The following BICRAL variants were observed in gnomAD, a reference collection of about 807,000 sequenced individuals.
The protein encoded by BICRAL is BRD4-interacting chromatin-remodeling complex-associated protein-like.
A neutral mutation model predicts 91.8 loss-of-function variants in BICRAL; 8 were observed. That is an observed-to-expected ratio of 0.09 (90% CI 0.05 to 0.16). BICRAL has a LOEUF of 0.16. Ranked by LOEUF, BICRAL falls within the 10% of genes least tolerant of loss-of-function variation. The pLI, the probability that BICRAL is intolerant of heterozygous loss-of-function variation, is 1.00. For missense variants in BICRAL, 1,038 were observed against 1,310.9 expected, an observed-to-expected ratio of 0.79 and a Z score of 3.21; for synonymous variants, 445 against 491.1, an observed-to-expected ratio of 0.91 and a Z score of 1.24.
chr6:42,813,514 A>G (rs1011339063), intron 2 of BICRAL, among the ~76,000 whole-genome samples: 2 of 152,168 alleles, frequency 1.3e-5, no homozygotes, highest in Non-Finnish European at 2.9e-5. Flanking sequence ...AACGAAGGCA[A>G]GATAAACACT....
Position 42,865,378 on chromosome 6 carries a change from C to T in BICRAL, c.3172C>T (p.His1058Tyr). 6.2e-7 allele frequency: 1 copy of T among 1,613,504 alleles called. No individual in the cohort carries two copies. Among genetic ancestry groups the T allele is most frequent in the Non-Finnish European group, 8.5e-7 (1 of 1,179,454 alleles). ...CTGCCTGGAAAAGTTCATCCCGGAC[C>T]ACAGTGAAGGTGTTGTAGAAACTGA... is the stretch of plus-strand genomic sequence containing the variant. Reference protein sequence around the residue: ...ENCLEKFIPDHSEGVVETDSI... With the variant: ...ENCLEKFIPDYSEGVVETDSI... Residue 1058 changes from histidine to tyrosine, a missense_variant, in exon 13 of 13, where the codon CAC becomes TAC. This residue lies in a region of BICRAL where 92 missense variants were observed against 147.8 expected (regional missense o/e 0.62). Transcript: ENST00000314073.
intron 1 of BICRAL, among the ~76,000 whole-genome samples, chr6:42,769,771 A>AT (rs1031661154): frequency 2.6e-5 from 4 of 152,040 alleles, no homozygotes; most frequent in South Asian, 2.1e-4. Flanking sequence ...TTTGTCTAGA[A>AT]TTTTTTTTGT....
chr6:42,814,186 G>A (rs1763913323), intron 2 of BICRAL, among the ~76,000 whole-genome samples: 1 of 145,200 alleles, frequency 6.9e-6, no homozygotes, highest in Admixed American at 7.1e-5. Context: ...TACAAGTAAA[G>A]CAAATGTCAG....
intron 1 of BICRAL, among the ~76,000 whole-genome samples, chr6:42,803,372 T>G (rs1763627648): frequency 6.6e-6 from 1 of 152,132 alleles, no homozygotes; most frequent in Non-Finnish European, 1.5e-5. Context: ...TCCTCACTTT[T>G]TTTACACTGG....
chr6:42,759,376 G>A (rs1385448747), intron 1 of BICRAL, among the ~76,000 whole-genome samples: 3 of 152,214 alleles, frequency 2.0e-5, no homozygotes, highest in East Asian at 3.8e-4. Flanking sequence ...TGCTCTGTGT[G>A]AAGTGGATTT....
intron 1 of BICRAL, among the ~76,000 whole-genome samples, chr6:42,765,000 A>G (rs1762612039): frequency 6.6e-6 from 1 of 152,210 alleles, no homozygotes; most frequent in Non-Finnish European, 1.5e-5. Flanking sequence ...TTTTGTGAAT[A>G]AATGATGCCT....
chr6:42,862,481 A>G (rs769003002), intron 11 of BICRAL, 29 bp from the exon 12 acceptor site: 9 of 1,396,486 alleles, frequency 6.4e-6, no homozygotes, highest in Non-Finnish European at 9.1e-6. Flanking sequence ...AAAATTGTCT[A>G]TGAAATGACT....
At chr6:42,769,655 A>G (rs1388250839) in intron 1 of BICRAL, among the ~76,000 whole-genome samples, 3 of 152,060 alleles carry the variant, frequency 2.0e-5, no homozygotes, top group African/African-American at 7.2e-5. Flanking sequence ...ACACAATACC[A>G]TGTGTGCTCG....
Position 42,829,626 on chromosome 6 carries a change from G to A in BICRAL, c.1293G>A (p.Gln431=), listed in dbSNP as rs1286623394. 1.9e-6 allele frequency: 3 copies of A among 1,614,040 alleles called. No individual in the cohort carries two copies. Among genetic ancestry groups the A allele is most frequent in the African/African-American group, 2.7e-5 (2 of 74,930 alleles). ...AACTTCTTCAAACTCAACCCTCTCA[G>A]CTCATTTCTGGCCAAGTGGCCTCAG... ...NGQLLQTQPS[Q]LISGQVASEH... Residue 431 remains glutamine, a synonymous_variant, in exon 6 of 13, where the codon CAG becomes CAA. Coordinates refer to ENST00000314073, the MANE Select transcript of BICRAL (RefSeq NM_001393499.1).
At chr6:42,772,164 A>G (rs554964219) in intron 1 of BICRAL, among the ~76,000 whole-genome samples, 3 of 152,354 alleles carry the variant, frequency 2.0e-5, no homozygotes, top group African/African-American at 7.2e-5. Context: ...AGCATTTGAA[A>G]AAATAAAGAC....
At position 42,828,575 on chromosome 6, in the gene BICRAL, G is replaced by C; in HGVS notation, c.242G>C (p.Ser81Thr). ...AGTGATGGACTGCCACTTTCAAGTA[G>C]CCTCCAGTTTCTTGAAGATGAACTC... Reference protein sequence around the residue: ...GPSDGLPLSSSLQFLEDELES... With the variant: ...GPSDGLPLSSTLQFLEDELES... Residue 81 changes from serine to threonine, a missense_variant, in exon 6 of 13, where the codon AGC becomes ACC. This residue lies in a region of BICRAL where 115 missense variants were observed against 121.5 expected (regional missense o/e 0.95). Transcript: ENST00000314073. 2 of 1,613,980 alleles carry C rather than the reference G, an allele frequency of 1.2e-6. No homozygotes were observed. Among genetic ancestry groups the C allele is most frequent in the South Asian group, 1.1e-5 (1 of 91,082 alleles).
upstream of BICRAL, among the ~76,000 whole-genome samples, chr6:42,779,680 G>GT (rs1393590624): frequency 6.6e-6 from 1 of 152,162 alleles, no homozygotes; most frequent in Non-Finnish European, 1.5e-5. Context: ...TTCTTTGTTT[G>GT]TTTTTTGAGA....
In BICRAL at chr6:42,801,249, T is replaced by TA. The variant is rs386406867; in HGVS notation, c.-101-9039dup. Among the ~76,000 whole-genome samples the TA allele has an allele frequency of 5.9e-3, 794 of 134,482 alleles. 11 individuals are homozygous for TA. The highest frequency in any genetic ancestry group is 7.8e-3 in the East Asian group (36 of 4,628). 88.2% of individuals were successfully genotyped at this position (134,482 alleles called of 152,430 possible). On this transcript the variant is annotated intron_variant, in intron 1 of 12. Coordinates refer to ENST00000314073, the MANE Select transcript of BICRAL (RefSeq NM_001393499.1). Reference sequence around the variant, plus strand: ...CTGGCTGGCAGAGCGAGACTCTGTTTAAAAAAAAAAAAAAAAAAGAGAGCG... The same window carrying TA: ...CTGGCTGGCAGAGCGAGACTCTGTTTAAAAAAAAAAAAAAAAAAAGAGAGCG...
In BICRAL at chr6:42,796,206, G is replaced by A. The variant is rs193079492; in HGVS notation, c.-101-14100G>A. Among the ~76,000 whole-genome samples the A allele has an allele frequency of 2.0e-3, 299 of 152,318 alleles. 2 individuals are homozygous for A. Among genetic ancestry groups the A allele is most frequent in the Non-Finnish European group, 2.3e-3 (158 of 68,034 alleles). On this transcript the variant is annotated intron_variant, in intron 1 of 12. Transcript: ENST00000314073. Reference sequence around the variant, plus strand: ...AGTAGACTTTGTAGTATGTTATGGGGTAAACATATAGAAAGATAGGAAGAC... The same window carrying A: ...AGTAGACTTTGTAGTATGTTATGGGATAAACATATAGAAAGATAGGAAGAC...
intron 12 of BICRAL, among the ~76,000 whole-genome samples, chr6:42,863,335 A>C (rs1444192005): frequency 6.6e-6 from 1 of 152,116 alleles, no homozygotes; most frequent in Non-Finnish European, 1.5e-5. Context: ...GGCGTGAGCC[A>C]CCGTGCCCAG....
chr6:42,793,618 A>G (rs927837115), intron 1 of BICRAL, among the ~76,000 whole-genome samples: 4 of 151,878 alleles, frequency 2.6e-5, no homozygotes, highest in Non-Finnish European at 4.4e-5. Flanking sequence ...TTCCATTTGT[A>G]TTGTGATTCT....
At chr6:42,791,613 G>T (rs768905258) in intron 1 of BICRAL, among the ~76,000 whole-genome samples, 6 of 152,136 alleles carry the variant, frequency 3.9e-5, no homozygotes, top group Non-Finnish European at 8.8e-5. Flanking sequence ...GACCCTGATG[G>T]GTTCTAATGG....
chr6:42,850,284 C>T (rs1008970016), intron 6 of BICRAL, among the ~76,000 whole-genome samples: 3 of 152,168 alleles, frequency 2.0e-5, no homozygotes, highest in African/African-American at 7.2e-5. Context: ...CTTTGGGAGA[C>T]TGAGGTGGGC....
At chr6:42,768,178 A>G (rs1762664215) in intron 1 of BICRAL, among the ~76,000 whole-genome samples, 1 of 152,236 alleles carries the variant, frequency 6.6e-6, no homozygotes, top group Non-Finnish European at 1.5e-5. Context: ...AGGTTACTCA[A>G]GAATGATTTG....
Sources: allele counts gnomAD v4.1 joint callset (sites outside exome capture counted in the v4.1 genomes callset), GRCh38; gene constraint gnomAD v4.1.1; regional missense constraint gnomAD v4.1.1; transcripts MANE v1.5; gene names NCBI Gene and HGNC (gene_info 2026-07-23, HGNC 2026-07-21).